Variants in SLC15A5 observed in about 807,000 individuals in gnomAD.
The protein encoded by SLC15A5 is Peptide/histidine transporter ENSP00000340402.
A neutral mutation model predicts 56.1 loss-of-function variants in SLC15A5; 58 were observed. That is an observed-to-expected ratio of 1.03 (90% CI 0.84 to 1.29). The LOEUF (loss-of-function observed/expected upper bound fraction) is 1.29. Ranked by LOEUF, SLC15A5 falls within the 50% of genes most tolerant of loss-of-function variation. The pLI, the probability that SLC15A5 is intolerant of heterozygous loss-of-function variation, is 0.00. For synonymous variants in SLC15A5, 264 were observed against 250.5 expected (o/e 1.05, Z -0.51); for missense variants, 681 against 672.1 (o/e 1.01, Z -0.15).
chr12:16,212,837 A>G (rs573989788), intron 7 of SLC15A5, among the ~76,000 whole-genome samples: 8 of 152,284 alleles, frequency 5.3e-5, no homozygotes, highest in South Asian at 4.1e-4. Flanking sequence ...AAAAATGTCT[A>G]TTACTTAGGA....
At chr12:16,205,136 A>C (rs963399549) in intron 7 of SLC15A5, among the ~76,000 whole-genome samples, 1 of 152,076 alleles carries the variant, frequency 6.6e-6, no homozygotes, top group Non-Finnish European at 1.5e-5. Context: ...ACATCATAAA[A>C]GAGAAAAGAT....
rs1007634650 is a variant in SLC15A5, at chr12:16,267,383, A to T, written c.584+5178T>A. On this transcript the variant is annotated intron_variant, in intron 2 of 8. Coordinates refer to ENST00000344941, the MANE Select transcript of SLC15A5 (RefSeq NM_001170798.1). ...AATCATTGCTTCTTTTAGCATAACC[A>T]TTGGCCACTGAAGTACTTCAAAGAA... is the stretch of plus-strand genomic sequence containing the variant. 3.4e-5 allele frequency among the ~76,000 whole-genome samples: 4 copies of T among 116,442 alleles called. 1 individual carries two copies. Among genetic ancestry groups the T allele is most frequent in the Admixed American group, 8.6e-5 (1 of 11,580 alleles). 76.4% of individuals were successfully genotyped at this position (116,442 alleles called of 152,430 possible). A position where few individuals can be genotyped will look rare whatever the true frequency, so the allele number is the denominator to read the frequency against.
chr12:16,272,200 G>A (rs1799522), intron 2 of SLC15A5, among the ~76,000 whole-genome samples: 150,812 of 152,302 alleles, frequency 0.99, 74,684 homozygotes, highest in Middle Eastern at 1. Flanking sequence ...AATAAACTGA[G>A]GTAGAGAATA....
intron 8 of SLC15A5, 51 bp from the exon 9 acceptor site, chr12:16,189,866 GA>G: frequency 1.5e-5 from 20 of 1,312,146 alleles, no homozygotes; most frequent in Non-Finnish European, 1.9e-5. Context: ...TAGATGAATT[GA>G]TAAATCATTT....
At position 16,205,610 on chromosome 12, in the gene SLC15A5, CATATATAT is replaced by C. The variant is rs1220526117; in HGVS notation, c.1484-11165_1484-11158del. On this transcript the variant is annotated intron_variant, in intron 7 of 8. Transcript: ENST00000344941. ...ATATATACATATACACACACACACA[CATATATAT>C]ACACATATATATATACACATATATA... Among the ~76,000 whole-genome samples the C allele has an allele frequency of 1.3e-3, 135 of 105,734 alleles. 3 individuals carry two copies. Among genetic ancestry groups the C allele is most frequent in the African/African-American group, 4.3e-3 (129 of 30,050 alleles). 69.4% of individuals were successfully genotyped at this position (105,734 alleles called of 152,430 possible).
At chr12:16,199,588 A>G (rs962914788) in intron 7 of SLC15A5, among the ~76,000 whole-genome samples, 2 of 152,142 alleles carry the variant, frequency 1.3e-5, no homozygotes, top group Non-Finnish European at 2.9e-5. Context: ...AAACTACATC[A>G]GGGAGTGCAA....
At chr12:16,262,883 T>C (rs1591660113) in intron 2 of SLC15A5, among the ~76,000 whole-genome samples, 1 of 152,168 alleles carries the variant, frequency 6.6e-6, no homozygotes, top group East Asian at 1.9e-4. Flanking sequence ...TGCTCCGCCT[T>C]GCCTTCTCCC....
In SLC15A5 at chr12:16,196,213, C is replaced by T. The variant is rs2136238176; in HGVS notation, c.1484-1760G>A. 6.6e-6 allele frequency among the ~76,000 whole-genome samples: 1 copy of T among 152,076 alleles called. No individual in the cohort carries two copies. The highest frequency in any genetic ancestry group is 2.1e-4 in the South Asian group (1 of 4,806). On this transcript the variant is annotated intron_variant, in intron 7 of 8. Transcript: ENST00000344941. This position sits in a 1 kb window ranked among gnomAD's most constrained non-coding sequence, Gnocchi z 4.0. ...ATACCTATTTTGTGGTTCCACTTTA[C>T]CATTTTATTTGGGTTCTATTATAAT... is the stretch of plus-strand genomic sequence containing the variant.
At chr12:16,255,088 A>G (rs1381965618) in intron 3 of SLC15A5, among the ~76,000 whole-genome samples, 1 of 152,136 alleles carries the variant, frequency 6.6e-6, no homozygotes, top group Non-Finnish European at 1.5e-5. Context: ...AAACATCACT[A>G]TGTACCTCGT....
Position 16,226,015 on chromosome 12 carries a change from C to T in SLC15A5, c.1163-1413G>A, listed in dbSNP as rs776325472. Among the ~76,000 whole-genome samples, 93 of 152,262 alleles carry T rather than the reference C, an allele frequency of 6.1e-4. 1 individual carries two copies. The highest frequency in any genetic ancestry group is 1.5e-3 in the South Asian group (7 of 4,826). On this transcript the variant is annotated intron_variant, in intron 5 of 8. Coordinates refer to ENST00000344941, the MANE Select transcript of SLC15A5 (RefSeq NM_001170798.1). ...CTCAGCTCCAAGGTGGAGTTAATAA[C>T]GCTTACTTTATAGGGTGCTTGTGAC...
At chr12:16,192,169 GAGT>G (rs915783879) in intron 8 of SLC15A5, among the ~76,000 whole-genome samples, 1 of 152,058 alleles carries the variant, frequency 6.6e-6, no homozygotes, top group African/African-American at 2.4e-5. Flanking sequence ...AGGTGGTGGG[GAGT>G]AAGTGCAGTT....
In SLC15A5 at chr12:16,232,164, A is replaced by T. The variant is rs149027989; in HGVS notation, c.1162+7517T>A. 9.4e-3 allele frequency among the ~76,000 whole-genome samples: 1,436 copies of T among 152,348 alleles called. 30 individuals carry two copies. The highest frequency in any genetic ancestry group is 0.033 in the African/African-American group (1,375 of 41,576). ...GTAATCTGTAGTTAATGCAATCAATAATAAGTAGCTATGAAAAAAGAATAA... is the reference window on the plus strand; with the variant it reads ...GTAATCTGTAGTTAATGCAATCAATTATAAGTAGCTATGAAAAAAGAATAA... On this transcript the variant is annotated intron_variant, in intron 5 of 8. Transcript: ENST00000344941.
intron 2 of SLC15A5, among the ~76,000 whole-genome samples, chr12:16,263,188 A>G (rs1347527854): frequency 6.6e-6 from 1 of 152,186 alleles, no homozygotes. Flanking sequence ...CCAAAATGCT[A>G]ATAATGACAT....
Position 16,224,688 on chromosome 12 carries a change from A to G in SLC15A5, c.1163-86T>C, listed in dbSNP as rs577428921. 861 of 1,246,178 alleles carry G rather than the reference A, an allele frequency of 6.9e-4. 14 individuals carry two copies. In the South Asian group the frequency reaches 0.01, roughly 15 times the overall value. The allele number at this position is 1,246,178 out of a possible 1,614,324, so 77.2% of individuals were successfully genotyped here. On this transcript the variant is annotated intron_variant, in intron 5 of 8. Transcript: ENST00000344941. ...AAGCCATAACATTTCTTACCCATTG[A>G]CATTAGATGTTTCTTTTTTGTTTGT...
chr12:16,195,631 C>T (rs1325670863), intron 7 of SLC15A5, among the ~76,000 whole-genome samples: 1 of 151,978 alleles, frequency 6.6e-6, no homozygotes, highest in Non-Finnish European at 1.5e-5. Context: ...GGTGTGGGAC[C>T]AGAGCAATCA....
At chr12:16,275,072 A>G (rs566886185) in intron 1 of SLC15A5, among the ~76,000 whole-genome samples, 1 of 152,084 alleles carries the variant, frequency 6.6e-6, no homozygotes, top group African/African-American at 2.4e-5. Context: ...TGTTGAGTCC[A>G]TCAGAGAAGT....
chr12:16,235,087 A>T lies in SLC15A5; in HGVS notation c.1162+4594T>A, dbSNP rs189254703. ...TTCAGTGTTCATGAACTACTCTCAT[A>T]AAGACAGCTATAATTTTATTGTCTT... On this transcript the variant is annotated intron_variant, in intron 5 of 8. Transcript: ENST00000344941. This position sits in a 1 kb window ranked among gnomAD's most constrained non-coding sequence, Gnocchi z 4.1. Among the ~76,000 whole-genome samples, 1 of 152,046 alleles carries T rather than the reference A, an allele frequency of 6.6e-6. No homozygotes were observed. Among genetic ancestry groups the T allele is most frequent in the African/African-American group, 2.4e-5 (1 of 41,516 alleles).
At chr12:16,226,048 T>C (rs894337488) in intron 5 of SLC15A5, among the ~76,000 whole-genome samples, 3 of 152,166 alleles carry the variant, frequency 2.0e-5, no homozygotes, top group Admixed American at 6.6e-5. Flanking sequence ...GACATTTAAA[T>C]AAGACAACTG....
At chr12:16,205,557 TATTCCATAAGAAGGGAAAGGTGC>T (rs1257866085) in intron 7 of SLC15A5, among the ~76,000 whole-genome samples, 1,281 of 3,630 alleles carry the variant, frequency 0.35, 65 homozygotes, top group Middle Eastern at 0.5. Flanking sequence ...TATATATATA[TATTCCATAAGAAGGGAAAGGTGC>T]ATATATATAT....
Sources: allele counts gnomAD v4.1 joint callset (sites outside exome capture counted in the v4.1 genomes callset), GRCh38; gene constraint gnomAD v4.1.1; non-coding constraint Gnocchi (gnomAD v3.1); transcripts MANE v1.5; gene names NCBI Gene and HGNC (gene_info 2026-07-23, HGNC 2026-07-21).